The following ERC1 variants were observed in gnomAD, a reference collection of about 807,000 sequenced individuals.
The protein encoded by ERC1 is ELKS/RAB6-interacting/CAST family member 1, also known as RAB6 interacting protein 2.
ERC1 carries 56 observed loss-of-function variants against 132.0 expected under a neutral mutation model. The ratio of observed to expected loss-of-function variants is 0.42; its 90% CI spans 0.34 to 0.53. The LOEUF is 0.53. ERC1 is among the 20% of genes least tolerant of loss of function. The pLI, the probability that ERC1 is intolerant of heterozygous loss-of-function variation, is 0.03. For synonymous variants in ERC1, 478 were observed against 476.1 expected (o/e 1.00, Z -0.05); for missense variants, 1,202 against 1,349.9 (o/e 0.89, Z 1.72).
chr12:1,042,319 G>A (rs1970350751), intron 2 of ERC1, among the ~76,000 whole-genome samples: 1 of 150,118 alleles, frequency 6.7e-6, no homozygotes. Context: ...TTACAGATGT[G>A]AGCCATTGCG....
chr12:1,448,383 G>A (rs988627249), intron 18 of ERC1, among the ~76,000 whole-genome samples: 1 of 152,186 alleles, frequency 6.6e-6, no homozygotes, highest in Admixed American at 6.5e-5. Flanking sequence ...CTAAAGGTTG[G>A]TGGAGAAACC....
intron 2 of ERC1, among the ~76,000 whole-genome samples, chr12:1,033,146 C>T (rs1968383722): frequency 6.6e-6 from 1 of 151,636 alleles, no homozygotes; most frequent in Non-Finnish European, 1.5e-5. Flanking sequence ...ATGCCATTCT[C>T]CTGCCTCAGC....
intron 12 of ERC1, among the ~76,000 whole-genome samples, chr12:1,218,666 AT>A (rs1958652045): frequency 6.6e-6 from 1 of 151,700 alleles, no homozygotes; most frequent in Non-Finnish European, 1.5e-5. Flanking sequence ...CATTCTACAC[AT>A]TTCCTTCCTT....
At chr12:1,457,749 C>G (rs999388349) in intron 18 of ERC1, among the ~76,000 whole-genome samples, 8 of 151,862 alleles carry the variant, frequency 5.3e-5, no homozygotes, top group Admixed American at 2.6e-4. Flanking sequence ...AAAAATTAGC[C>G]AAGTATGGTG....
chr12:1,017,035 C>G (rs1965632892), intron 1 of ERC1, among the ~76,000 whole-genome samples: 1 of 152,042 alleles, frequency 6.6e-6, no homozygotes, highest in African/African-American at 2.4e-5. Context: ...CTTGCTCTGT[C>G]ACCCAGGCTG....
chr12:1,242,771 G>A (rs1027512991), intron 13 of ERC1, among the ~76,000 whole-genome samples: 5 of 152,060 alleles, frequency 3.3e-5, no homozygotes, highest in African/African-American at 7.2e-5. Context: ...TTCAGCCAAC[G>A]GTGGATTGAC....
intron 2 of ERC1, among the ~76,000 whole-genome samples, chr12:1,069,706 T>A (rs1261005630): frequency 6.6e-6 from 1 of 152,198 alleles, no homozygotes; most frequent in Non-Finnish European, 1.5e-5. Flanking sequence ...AACACTCCCA[T>A]TGGGATTTGG....
intron 16 of ERC1, among the ~76,000 whole-genome samples, chr12:1,384,402 A>C (rs1177351989): frequency 2.0e-5 from 3 of 152,258 alleles, no homozygotes; most frequent in African/African-American, 4.8e-5. Context: ...CTGTGTGCTC[A>C]TAACCCTAAA....
At position 1,424,833 on chromosome 12, in the gene ERC1, A is replaced by AGAT. The variant is rs76001987; in HGVS notation, c.3024+16587_3024+16589dup. 2.0e-3 allele frequency among the ~76,000 whole-genome samples: 189 copies of AGAT among 94,390 alleles called. 1 individual carries two copies. Among genetic ancestry groups the AGAT allele is most frequent in the Middle Eastern group, 0.011 (2 of 184 alleles). The allele number at this position is 94,390 out of a possible 152,430, so 61.9% of individuals were successfully genotyped here. A position where few individuals can be genotyped will look rare whatever the true frequency, so the allele number is the denominator to read the frequency against. ...TAGATAGATAGATAGATAGATAGATAGATAGATAGATGATAGATAGATAGA... is the reference window on the plus strand; with the variant it reads ...TAGATAGATAGATAGATAGATAGATAGATGATAGATAGATGATAGATAGATAGA... On this transcript the variant is annotated intron_variant, in intron 17 of 18. Transcript: ENST00000360905.
At chr12:1,296,971 T>TC (rs1370193440) in intron 15 of ERC1, among the ~76,000 whole-genome samples, 1 of 152,230 alleles carries the variant, frequency 6.6e-6, no homozygotes, top group East Asian at 1.9e-4. Flanking sequence ...ACCATGAATC[T>TC]TTGATTTACA....
intron 15 of ERC1, among the ~76,000 whole-genome samples, chr12:1,311,011 T>A (rs1187104433): frequency 1.3e-5 from 2 of 152,238 alleles, no homozygotes; most frequent in African/African-American, 4.8e-5. Flanking sequence ...GCCAATGATA[T>A]AACTCACAAG....
intron 18 of ERC1, among the ~76,000 whole-genome samples, chr12:1,483,765 C>G (rs187365895): frequency 0.011 from 1,532 of 136,556 alleles, 13 homozygotes; most frequent in Non-Finnish European, 0.017. Flanking sequence ...TCTCGCCTTA[C>G]TGCAACCTCC....
intron 16 of ERC1, among the ~76,000 whole-genome samples, chr12:1,388,691 G>A (rs1591701770): frequency 6.6e-6 from 1 of 152,196 alleles, no homozygotes; most frequent in African/African-American, 2.4e-5. Context: ...AATGGAGGAA[G>A]TTAAGGGGAG....
Position 1,169,283 on chromosome 12 carries a change from C to T in ERC1, c.1738-11257C>T, listed in dbSNP as rs534961231. On this transcript the variant is annotated intron_variant, in intron 8 of 18. Coordinates refer to ENST00000360905, the MANE Select transcript of ERC1 (RefSeq NM_178040.4). The stretch of plus-strand genomic sequence containing the variant: ...GCTGGAAGTGTTATCAACAGAAAGC[C>T]CTCCACTTTCCCTAGAGATTGTCTT... 5.9e-4 allele frequency among the ~76,000 whole-genome samples: 90 copies of T among 152,282 alleles called. 1 individual carries two copies. Among genetic ancestry groups the T allele is most frequent in the Middle Eastern group, 3.4e-3 (1 of 294 alleles).
rs183858215 is a variant in ERC1 at position 1,222,495 on chromosome 12, G to A, written c.2352-14274G>A. On this transcript the variant is annotated intron_variant, in intron 12 of 18. Transcript: ENST00000360905. ...CCCCCAAAGTGCTGGGATTACAGGC[G>A]TGAGCCACCACACCTGGCCCATATT... 1.6e-3 allele frequency among the ~76,000 whole-genome samples: 237 copies of A among 152,114 alleles called. 1 individual carries two copies. The highest frequency in any genetic ancestry group is 4.6e-3 in the Admixed American group (70 of 15,284).
At chr12:1,445,303 CA>C (rs1174842474) in intron 18 of ERC1, among the ~76,000 whole-genome samples, 1 of 142,712 alleles carries the variant, frequency 7.0e-6, no homozygotes, top group Non-Finnish European at 1.5e-5. Flanking sequence ...GATCTCAGCT[CA>C]CTGCAACTTC....
intron 7 of ERC1, among the ~76,000 whole-genome samples, chr12:1,130,212 G>A (rs1315152603): frequency 6.6e-6 from 1 of 152,184 alleles, no homozygotes; most frequent in Non-Finnish European, 1.5e-5. Flanking sequence ...AAAGACCTCT[G>A]CAATGGCCAG....
At chr12:1,230,646 C>T (rs1181737436) in intron 12 of ERC1, among the ~76,000 whole-genome samples, 1 of 152,140 alleles carries the variant, frequency 6.6e-6, no homozygotes, top group African/African-American at 2.4e-5. Flanking sequence ...TTGACCTATC[C>T]ATTGTTAAAA....
At chr12:1,369,372 C>T (rs909816290) in intron 15 of ERC1, among the ~76,000 whole-genome samples, 4 of 152,174 alleles carry the variant, frequency 2.6e-5, no homozygotes, top group South Asian at 4.1e-4. Context: ...ACAATATTTT[C>T]CTTAAGCACA....
Sources: gnomAD v4.1 joint callset for allele counts (sites outside exome capture counted in the v4.1 genomes callset) on GRCh38, gnomAD v4.1.1 for gene constraint, MANE v1.5 for transcripts, NCBI Gene and HGNC (gene_info 2026-07-23, HGNC 2026-07-21) for gene names.